The following RBFOX1 variants were observed in gnomAD, a reference collection of about 807,000 sequenced individuals.
The protein encoded by RBFOX1 is RNA binding protein fox-1 homolog 1.
In RBFOX1, 8 loss-of-function variants were observed where a neutral mutation model predicts 57.7. The observed-to-expected ratio is 0.14, with a 90% CI of 0.08 to 0.25. The LOEUF is 0.25. Ranked by LOEUF, RBFOX1 falls within the 10% of genes least tolerant of loss-of-function variation. RBFOX1 has a pLI of 1.00. For missense variants in RBFOX1, 611 were observed against 548.5 expected (o/e 1.11, Z -1.14); for synonymous variants, 326 against 222.4 (o/e 1.47, Z -4.15).
rs192844534 is a variant in RBFOX1 at position 7,040,637 on chromosome 16, A to T, written c.-15-11420A>T. ...TCTGAAGTTTGTTGTTTATCATTCC[A>T]GACTTTTTTCCAGGTATAAATGGAT... On this transcript the variant is annotated intron_variant, in intron 3 of 15. Coordinates refer to ENST00000550418, the MANE Select transcript of RBFOX1 (RefSeq NM_018723.4). Among the ~76,000 whole-genome samples the T allele has an allele frequency of 1.0e-3, 158 of 152,286 alleles. 1 individual carries two copies. Among genetic ancestry groups the T allele is most frequent in the South Asian group, 7.3e-3 (35 of 4,824 alleles).
intron 3 of RBFOX1, among the ~76,000 whole-genome samples, chr16:5,657,547 C>G (rs2049468386): frequency 6.6e-6 from 1 of 152,108 alleles, no homozygotes; most frequent in Non-Finnish European, 1.5e-5. Flanking sequence ...TAGAGGCACT[C>G]ACTTTTCACT....
At chr16:7,579,954 TCTGGGGGTTCCAGAGACCTCC>T in intron 6 of RBFOX1, 34 bp downstream of exon 6, 1 of 1,608,300 alleles carries the variant, frequency 6.2e-7, no homozygotes, top group Non-Finnish European at 8.5e-7. Flanking sequence ...CAGTGCCCGC[TCTGGGGGTTCCAGAGACCTCC>T]CTGTCTCATG....
intron 2 of RBFOX1, among the ~76,000 whole-genome samples, chr16:6,639,772 G>A (rs554717769): frequency 9.7e-4 from 148 of 152,176 alleles, no homozygotes; most frequent in African/African-American, 3.3e-3. Context: ...CCAGCTACTC[G>A]GGAGGCTGAG....
intron 4 of RBFOX1, among the ~76,000 whole-genome samples, chr16:7,479,467 T>C (rs1034116844): frequency 6.6e-6 from 1 of 152,122 alleles, no homozygotes; most frequent in African/African-American, 2.4e-5. Context: ...CTTGCCCTTT[T>C]CTCAGCCCTT....
At chr16:7,550,351 A>G (rs1266263948) in intron 5 of RBFOX1, among the ~76,000 whole-genome samples, 2 of 151,896 alleles carry the variant, frequency 1.3e-5, no homozygotes, top group African/African-American at 4.8e-5. Context: ...GGCAATATGC[A>G]TATCTGCTCT....
chr16:7,600,947 T>C (rs915756099), intron 9 of RBFOX1, among the ~76,000 whole-genome samples: 1 of 152,212 alleles, frequency 6.6e-6, no homozygotes, highest in African/African-American at 2.4e-5. Flanking sequence ...ATTGGACTAT[T>C]TCTCTATTGC....
At chr16:6,764,923 C>T (rs149527887) in intron 3 of RBFOX1, among the ~76,000 whole-genome samples, 5 of 151,434 alleles carry the variant, frequency 3.3e-5, no homozygotes, top group Admixed American at 6.6e-5. Context: ...GATGACAGAG[C>T]AAGACTGTTT....
chr16:6,742,288 C>T (rs1421829648), intron 3 of RBFOX1, among the ~76,000 whole-genome samples: 1 of 152,092 alleles, frequency 6.6e-6, no homozygotes, highest in Non-Finnish European at 1.5e-5. Context: ...AATAACATAT[C>T]ATTATACACA....
At chr16:7,054,434 G>A (rs1007052534) in intron 4 of RBFOX1, among the ~76,000 whole-genome samples, 3 of 149,838 alleles carry the variant, frequency 2.0e-5, no homozygotes, top group Non-Finnish European at 4.4e-5. Context: ...GCAGAGATGG[G>A]GTTTCACCAT....
chr16:7,342,391 G>A (rs916585856), intron 4 of RBFOX1, among the ~76,000 whole-genome samples: 5 of 152,146 alleles, frequency 3.3e-5, no homozygotes, highest in African/African-American at 1.2e-4. Context: ...TCAGCTCTCT[G>A]AGCACCCATG....
intron 3 of RBFOX1, among the ~76,000 whole-genome samples, chr16:5,805,898 G>C (rs1226043468): frequency 1.3e-5 from 2 of 152,188 alleles, no homozygotes; most frequent in African/African-American, 4.8e-5. Context: ...GCACAGAATA[G>C]AGTGGATAAG....
chr16:6,022,581 C>G (rs1263662222), intron 1 of RBFOX1, among the ~76,000 whole-genome samples: 1 of 152,072 alleles, frequency 6.6e-6, no homozygotes, highest in African/African-American at 2.4e-5. Context: ...ACCCTGGAGG[C>G]TGAAGTGGGA....
At chr16:7,343,483 C>G (rs892374587) in intron 4 of RBFOX1, among the ~76,000 whole-genome samples, 1 of 152,124 alleles carries the variant, frequency 6.6e-6, no homozygotes, top group African/African-American at 2.4e-5. Flanking sequence ...TTTAAAAGGG[C>G]TAGAGGAGCT....
At chr16:5,771,191 C>G (rs997254388) in intron 3 of RBFOX1, among the ~76,000 whole-genome samples, 2 of 152,210 alleles carry the variant, frequency 1.3e-5, no homozygotes, top group African/African-American at 4.8e-5. Context: ...GCGGGGCTAC[C>G]CCATAGGCAG....
chr16:6,217,476 T>G (rs1280367340), intron 1 of RBFOX1, among the ~76,000 whole-genome samples: 2 of 152,104 alleles, frequency 1.3e-5, no homozygotes, highest in African/African-American at 4.8e-5. Context: ...GCACACGTGT[T>G]GAGGGGAGTA....
intron 11 of RBFOX1, among the ~76,000 whole-genome samples, chr16:7,644,196 T>G (rs1278666074): frequency 1.3e-5 from 2 of 152,088 alleles, no homozygotes; most frequent in Non-Finnish European, 2.9e-5. Context: ...GCTGGGTGAG[T>G]ATCTGAGCCA....
intron 3 of RBFOX1, among the ~76,000 whole-genome samples, chr16:5,668,296 A>G (rs1330688034): frequency 6.6e-6 from 1 of 152,048 alleles, no homozygotes; most frequent in Non-Finnish European, 1.5e-5. Context: ...CAACAAAAAC[A>G]CCAATTTAAA....
At chr16:5,511,880 C>T (rs1200886700) in intron 2 of RBFOX1, among the ~76,000 whole-genome samples, 1 of 152,178 alleles carries the variant, frequency 6.6e-6, no homozygotes, top group Non-Finnish European at 1.5e-5. Flanking sequence ...TGAGTACATC[C>T]TGCATGAAGT....
intron 2 of RBFOX1, among the ~76,000 whole-genome samples, chr16:6,562,889 T>TCTTTC (rs1567694297): frequency 1.4e-4 from 20 of 142,924 alleles, no homozygotes; most frequent in Admixed American, 1.1e-3. Flanking sequence ...TCTTTTTTTT[T>TCTTTC]TTTTTTTTTG....
Sources: allele counts gnomAD v4.1 joint callset (sites outside exome capture counted in the v4.1 genomes callset), GRCh38; gene constraint gnomAD v4.1.1; transcripts MANE v1.5; gene names NCBI Gene and HGNC (gene_info 2026-07-23, HGNC 2026-07-21).